Variants in PRKD1 observed in about 807,000 individuals in gnomAD.
The protein encoded by PRKD1 is serine/threonine-protein kinase D1.
In PRKD1, 63 loss-of-function variants were observed where a neutral mutation model predicts 95.9. That is an observed-to-expected ratio of 0.66 (90% CI 0.54 to 0.81). The LOEUF (loss-of-function observed/expected upper bound fraction) is 0.81, where lower values mean the gene tolerates loss of function less well. Among genes scored for constraint, PRKD1 ranks in the 30% least tolerant of loss-of-function variants. The pLI is 0.00. For missense variants in PRKD1, 1,048 were observed against 1,165.3 expected (o/e 0.90, Z 1.47); for synonymous variants, 425 against 423.1 (o/e 1.00, Z -0.05).
chr14:29,646,384 A>G (rs2139161259), intron 4 of PRKD1, among the ~76,000 whole-genome samples: 1 of 152,304 alleles, frequency 6.6e-6, no homozygotes, highest in East Asian at 1.9e-4. Context: ...CTAGAAGAGT[A>G]TAATTGGATT....
chr14:29,748,003 C>A, intron 1 of PRKD1, among the ~76,000 whole-genome samples: 1 of 152,138 alleles, frequency 6.6e-6, no homozygotes, highest in East Asian at 1.9e-4. Context: ...CTCCGCCTCC[C>A]AAAGTGCTGG....
chr14:29,802,321 A>G (rs1036338450), intron 1 of PRKD1, among the ~76,000 whole-genome samples: 1 of 152,204 alleles, frequency 6.6e-6, no homozygotes, highest in South Asian at 2.1e-4. Context: ...AAGGAAGAAG[A>G]CAATACATCT....
intron 1 of PRKD1, among the ~76,000 whole-genome samples, chr14:29,815,946 G>T (rs1033344020): frequency 2.0e-5 from 3 of 152,096 alleles, no homozygotes; most frequent in African/African-American, 4.8e-5. Flanking sequence ...CAGGCCGGGC[G>T]CGGTGGCTCA....
At chr14:29,638,588 C>T in intron 5 of PRKD1, 22 bp from the exon 6 acceptor site, 1 of 1,613,864 alleles carries the variant, frequency 6.2e-7, no homozygotes. Flanking sequence ...GATTTTCAAA[C>T]AAAACAAAAT....
intron 1 of PRKD1, among the ~76,000 whole-genome samples, chr14:29,899,304 T>C (rs538638650): frequency 2.6e-5 from 4 of 152,286 alleles, no homozygotes; most frequent in Non-Finnish European, 5.9e-5. Flanking sequence ...AAAAAACACA[T>C]AATCTATTTT....
intron 3 of PRKD1, among the ~76,000 whole-genome samples, chr14:29,665,798 TAC>T (rs1010079219): frequency 6.6e-6 from 1 of 152,066 alleles, no homozygotes; most frequent in Non-Finnish European, 1.5e-5. Context: ...GGTGTATATA[TAC>T]ATAGACTTAT....
chr14:29,610,035 G>A (rs1000205184), intron 13 of PRKD1, among the ~76,000 whole-genome samples: 1 of 152,128 alleles, frequency 6.6e-6, no homozygotes, highest in African/African-American at 2.4e-5. Context: ...AGAGGGGTGA[G>A]AGGAGTATGC....
intron 1 of PRKD1, among the ~76,000 whole-genome samples, chr14:29,816,858 G>T (rs1445744649): frequency 6.6e-6 from 1 of 152,052 alleles, no homozygotes; most frequent in Non-Finnish European, 1.5e-5. Flanking sequence ...CAAATTCCTG[G>T]AATTCTAAGA....
chr14:29,632,734 GAA>G, intron 9 of PRKD1, 133 bp downstream of exon 9: 5 of 683,506 alleles, frequency 7.3e-6, no homozygotes, highest in Admixed American at 2.9e-5. Flanking sequence ...CTATAGAGAA[GAA>G]AAAAAAAATA....
chr14:29,766,475 C>T (rs944034674), intron 1 of PRKD1, among the ~76,000 whole-genome samples: 3 of 152,146 alleles, frequency 2.0e-5, no homozygotes, highest in Non-Finnish European at 2.9e-5. Context: ...ATGATAACAA[C>T]GTCAACTGTG....
Position 29,599,705 on chromosome 14 carries a change from C to G in PRKD1, c.2018G>C (p.Ser673Thr). The G allele has an allele frequency of 3.7e-6, 6 of 1,613,538 alleles. No homozygotes were observed. The highest frequency in any genetic ancestry group is 5.1e-6 in the Non-Finnish European group (6 of 1,179,786). ...HGDMLEMILS[S>T]EKGRLPEHIT... ...GTGCTCTGGCAACCTGCCCTTTTCA[C>G]TTGACAAGATCATTTCCAGCATGTC... Residue 673 changes from serine to threonine, a missense_variant, in exon 14 of 18, where the codon AGT becomes ACT. Coordinates refer to ENST00000331968, the MANE Select transcript of PRKD1 (RefSeq NM_002742.3).
chr14:29,804,588 T>TA (rs10654939), intron 1 of PRKD1, among the ~76,000 whole-genome samples: 113,342 of 145,614 alleles, frequency 0.78, 43,957 homozygotes, highest in East Asian at 0.89. Context: ...ACAATCCAAC[T>TA]AAAAAAAAAA....
chr14:29,636,431 C>T lies in PRKD1; in HGVS notation c.1049G>A (p.Ser350Asn). Residue 350 changes from serine (S) to asparagine (N), a missense_variant, in exon 7 of 18, where the codon AGT becomes AAT. This residue lies in a region of PRKD1 where 739 missense variants were observed against 861.9 expected (regional missense o/e 0.86). Transcript: ENST00000331968. Reference protein sequence around the residue: ...VMEEGSDDNDSERNSGLMDDM... With the variant: ...VMEEGSDDNDNERNSGLMDDM... ...ATCCATGAGCCCACTGTTCCTTTCACTATCATTGTCATCACTCCCTTCTTC... is the reference window on the plus strand; with the variant it reads ...ATCCATGAGCCCACTGTTCCTTTCATTATCATTGTCATCACTCCCTTCTTC... The T allele has an allele frequency of 6.2e-7, 1 of 1,614,168 alleles. No homozygotes were observed. Among genetic ancestry groups the T allele is most frequent in the South Asian group, 1.1e-5 (1 of 91,088 alleles).
chr14:29,599,001 T>A, intron 15 of PRKD1, 26 bp downstream of exon 15: 1 of 1,584,258 alleles, frequency 6.3e-7, no homozygotes, highest in Non-Finnish European at 8.7e-7. Flanking sequence ...AACTGGCTTT[T>A]TGCTGAGAGA....
intron 13 of PRKD1, among the ~76,000 whole-genome samples, chr14:29,611,309 C>T (rs970649897): frequency 1.3e-5 from 2 of 152,068 alleles, no homozygotes; most frequent in Non-Finnish European, 2.9e-5. Flanking sequence ...TAAAATTGCT[C>T]TAAAAATAAA....
intron 1 of PRKD1, among the ~76,000 whole-genome samples, chr14:29,759,044 G>A (rs576634922): frequency 3.9e-5 from 6 of 152,312 alleles, no homozygotes; most frequent in East Asian, 3.9e-4. Flanking sequence ...AACAGTGTCC[G>A]TTACTCACAT....
chr14:29,604,550 T>TG (rs767219226), intron 13 of PRKD1, among the ~76,000 whole-genome samples: 1 of 152,040 alleles, frequency 6.6e-6, no homozygotes, highest in Admixed American at 6.6e-5. Flanking sequence ...ATGGAATGGG[T>TG]GGGGGGCATG....
chr14:29,591,610 T>C (rs1893133450), intron 16 of PRKD1, among the ~76,000 whole-genome samples: 1 of 152,224 alleles, frequency 6.6e-6, no homozygotes, highest in African/African-American at 2.4e-5. Flanking sequence ...ATGCCTGCTA[T>C]AGATCTATAG....
intron 2 of PRKD1, among the ~76,000 whole-genome samples, chr14:29,707,247 T>C (rs991859884): frequency 2.0e-5 from 3 of 151,974 alleles, no homozygotes; most frequent in African/African-American, 7.3e-5. Flanking sequence ...GATTACACAA[T>C]AGAAAAGAAT....
Sources: gnomAD v4.1 joint callset for allele counts (sites outside exome capture counted in the v4.1 genomes callset) on GRCh38, gnomAD v4.1.1 for gene constraint, gnomAD v4.1.1 regional missense constraint, MANE v1.5 for transcripts, NCBI Gene and HGNC (gene_info 2026-07-23, HGNC 2026-07-21) for gene names.